AKAP10: variants seen among roughly 807,000 people sequenced by gnomAD.
AKAP10 encodes A-kinase anchor protein 10, mitochondrial.
Under a neutral mutation model 80.8 loss-of-function variants are expected in AKAP10, and 24 were observed. That is an observed-to-expected ratio of 0.30 (90% CI 0.22 to 0.42). AKAP10 has a LOEUF of 0.42. Ranked by LOEUF, AKAP10 falls within the 10% of genes least tolerant of loss-of-function variation. The pLI, the probability that AKAP10 is intolerant of heterozygous loss-of-function variation, is 1.00. For synonymous variants in AKAP10, 291 were observed against 277.7 expected (o/e 1.05, Z -0.48); for missense variants, 661 against 794.9 (o/e 0.83, Z 2.03).
At chr17:19,913,414 C>A (rs203459) in intron 12 of AKAP10, among the ~76,000 whole-genome samples, 64,330 of 151,504 alleles carry the variant, frequency 0.42, 14,360 homozygotes, top group African/African-American at 0.57. Context: ...GGCCTCCCAA[C>A]GTGCTGGGAT....
intron 2 of AKAP10, among the ~76,000 whole-genome samples, chr17:19,966,564 G>T (rs539671066): frequency 7.6e-6 from 1 of 132,112 alleles, no homozygotes; most frequent in Middle Eastern, 3.7e-3. Flanking sequence ...CATCTTGAGG[G>T]GCTGTTTCTT....
intron 14 of AKAP10, 67 bp downstream of exon 14, chr17:19,909,114 G>T: frequency 7.1e-7 from 1 of 1,399,270 alleles, no homozygotes; most frequent in Non-Finnish European, 9.8e-7. Flanking sequence ...AACCCCTTAT[G>T]TTCTTTTTTA....
chr17:19,914,669 G>T (rs1262871159), intron 12 of AKAP10, among the ~76,000 whole-genome samples: 2 of 140,132 alleles, frequency 1.4e-5, no homozygotes, highest in Non-Finnish European at 3.1e-5. Context: ...GAAAAGAAAA[G>T]AAAGAAGTGG....
In AKAP10 at chr17:19,958,705, TAAAA is replaced by T; in HGVS notation, c.320-138_320-135del. On this transcript the variant is annotated intron_variant, in intron 3 of 14. Transcript: ENST00000225737. Reference sequence around the variant, plus strand: ...TTTACTTCCTAGCAACTAAAGTAAATAAAAAAACTACAAATACTATGCTTTTGGT... The same window carrying T: ...TTTACTTCCTAGCAACTAAAGTAAATAAACTACAAATACTATGCTTTTGGT... The T allele has an allele frequency of 5.8e-6, 4 of 690,910 alleles. No individual in the cohort carries two copies. In the South Asian group the frequency reaches 7.3e-5, roughly 13 times the overall value. The allele number at this position is 690,910 out of a possible 1,614,324, so 42.8% of individuals were successfully genotyped here. A position where few individuals can be genotyped will look rare whatever the true frequency, so the allele number is the denominator to read the frequency against.
intron 5 of AKAP10, among the ~76,000 whole-genome samples, chr17:19,944,085 T>C (rs1413702433): frequency 2.6e-5 from 4 of 152,260 alleles, no homozygotes; most frequent in African/African-American, 7.2e-5. Flanking sequence ...CTTGAGAATA[T>C]AGAAGCAATC....
intron 12 of AKAP10, among the ~76,000 whole-genome samples, chr17:19,913,238 C>T (rs1422609632): frequency 1.3e-5 from 2 of 150,864 alleles, no homozygotes; most frequent in Non-Finnish European, 2.9e-5. Flanking sequence ...ATTGCAACCT[C>T]CGCCTCCCGG....
chr17:19,952,321 C>T (rs981204953), intron 4 of AKAP10, among the ~76,000 whole-genome samples: 2 of 151,614 alleles, frequency 1.3e-5, no homozygotes, highest in Admixed American at 6.6e-5. Flanking sequence ...AAAAATCAGC[C>T]AGGCATGGTG....
At chr17:19,931,113 G>A (rs180891903) in intron 10 of AKAP10, among the ~76,000 whole-genome samples, 20 of 152,030 alleles carry the variant, frequency 1.3e-4, no homozygotes, top group African/African-American at 4.8e-4. Flanking sequence ...TTTCCAGGTT[G>A]CAGCGAGGAG....
Position 19,977,625 on chromosome 17 carries a change from G to A in AKAP10, c.55C>T (p.Pro19Ser), listed in dbSNP as rs2043589365. 1 of 1,235,156 alleles carries A rather than the reference G, an allele frequency of 8.1e-7. No homozygotes were observed. Among genetic ancestry groups the A allele is most frequent in the Non-Finnish European group, 1.0e-6 (1 of 988,024 alleles). 76.5% of individuals were successfully genotyped at this position (1,235,156 alleles called of 1,614,324 possible). Reference sequence around the variant, plus strand: ...CGGAAGAAGGACATGGCGGGGCCCGGGTCGGGACGGAGGGTGCGGGGGGAC... The same window carrying A: ...CGGAAGAAGGACATGGCGGGGCCCGAGTCGGGACGGAGGGTGCGGGGGGAC... ...RQSPRTLRPD[P>S]GPAMSFFRRK... The change falls in exon 1 of 15, where the codon CCG (proline) becomes TCG (serine). Residue 19 changes from proline (P) to serine (S), a missense_variant. By Grantham distance (74) the Pro-to-Ser change is moderately conservative (BLOSUM62 -1). Transcript: ENST00000225737.
rs554585659 is a variant in AKAP10, at chr17:19,943,143, C to T, written c.977-1233G>A. Reference sequence around the variant, plus strand: ...GCCTGAAACGATCCTCCTGCCTCAGCCTCCCAAAGTGCTGGGATTACAGGC... The same window carrying T: ...GCCTGAAACGATCCTCCTGCCTCAGTCTCCCAAAGTGCTGGGATTACAGGC... On this transcript the variant is annotated intron_variant, in intron 5 of 14. Transcript: ENST00000225737. Among the ~76,000 whole-genome samples, 11 of 152,286 alleles carry T rather than the reference C, an allele frequency of 7.2e-5. No individual in the cohort carries two copies. In the South Asian group the frequency reaches 2.3e-3, roughly 32 times the overall value.
At chr17:19,970,097 C>T (rs538506061) in intron 1 of AKAP10, among the ~76,000 whole-genome samples, 1 of 152,308 alleles carries the variant, frequency 6.6e-6, no homozygotes, top group South Asian at 2.1e-4. Context: ...ATTCATATAG[C>T]TAACCACCTA....
chr17:19,976,367 G>C (rs1249845954), intron 1 of AKAP10, among the ~76,000 whole-genome samples: 2 of 151,870 alleles, frequency 1.3e-5, no homozygotes, highest in African/African-American at 4.8e-5. Flanking sequence ...GGTAATCCCA[G>C]CTACTTGGGA....
chr17:19,976,786 G>C (rs530067302), intron 1 of AKAP10, among the ~76,000 whole-genome samples: 1 of 152,258 alleles, frequency 6.6e-6, no homozygotes, highest in South Asian at 2.1e-4. Flanking sequence ...CAAAGTGCTG[G>C]GATTACAGGC....
At chr17:19,962,345 T>A (rs2043362990) in intron 3 of AKAP10, among the ~76,000 whole-genome samples, 1 of 151,144 alleles carries the variant, frequency 6.6e-6, no homozygotes, top group African/African-American at 2.4e-5. Flanking sequence ...CACATATGAA[T>A]GAGCATATCT....
chr17:19,921,634 G>A (rs61648246), intron 11 of AKAP10, among the ~76,000 whole-genome samples: 2,888 of 151,556 alleles, frequency 0.019, 77 homozygotes, highest in African/African-American at 0.065. Context: ...CTAGGAGTTT[G>A]AGACCAGCCT....
At chr17:19,914,077 G>A (rs1207977854) in intron 12 of AKAP10, among the ~76,000 whole-genome samples, 1 of 152,134 alleles carries the variant, frequency 6.6e-6, no homozygotes, top group Non-Finnish European at 1.5e-5. Flanking sequence ...ATGGCTCACC[G>A]TCGCCTCAAC....
chr17:19,934,422 A>C (rs918240264), intron 9 of AKAP10, among the ~76,000 whole-genome samples: 7 of 152,112 alleles, frequency 4.6e-5, no homozygotes, highest in Non-Finnish European at 1.0e-4. Context: ...AACACGGCTC[A>C]CTGCAGCCTT....
chr17:19,963,012 G>T lies in AKAP10; in HGVS notation c.147C>A (p.Ser49=), dbSNP rs1424853477. The T allele has an allele frequency of 6.2e-7, 1 of 1,600,694 alleles. No individual in the cohort carries two copies. Among genetic ancestry groups the T allele is most frequent in the East Asian group, 2.2e-5 (1 of 44,560 alleles). Residue 49 remains serine, a synonymous_variant, in exon 3 of 15, where the codon TCC becomes TCA. Transcript: ENST00000225737. ...TAGTGCTTTTTTGTGGGGAATGTAC[G>T]GATATTGAAGCTATAATTTTTCAAA... ...SDVKSIKASI[S]VHSPQKSTKN... is the part of the protein sequence containing the mutation.
In AKAP10 at chr17:19,941,001, A is replaced by G. The variant is rs1445037442; in HGVS notation, c.1071T>C (p.Ser357=). 2 of 1,601,486 alleles carry G rather than the reference A, an allele frequency of 1.2e-6. No individual in the cohort carries two copies. Among genetic ancestry groups the G allele is most frequent in the East Asian group, 2.2e-5 (1 of 44,632 alleles). ...VFSAMEQEHF[S]EFLRSHHFCK... ...AGAAATGGTGACTTCGCAGAAACTC[A>G]CTAAAGTGCCTGCACATGGACAAAA... The change falls in exon 7 of 15, where the codon AGT becomes AGC. Residue 357 remains serine (S), a synonymous_variant. Transcript: ENST00000225737.
Sources: gnomAD v4.1 joint callset for allele counts (sites outside exome capture counted in the v4.1 genomes callset) on GRCh38, gnomAD v4.1.1 for gene constraint, MANE v1.5 for transcripts, NCBI Gene and HGNC (gene_info 2026-07-23, HGNC 2026-07-21) for gene names.